Variants in RASAL2 observed in about 807,000 individuals in gnomAD.
RASAL2 encodes the protein ras GTPase-activating protein nGAP.
Under a neutral mutation model 128.9 loss-of-function variants are expected in RASAL2, and 58 were observed. The observed-to-expected ratio is 0.45, with a 90% confidence interval of 0.36 to 0.56. The LOEUF is 0.56. Ranked by LOEUF, RASAL2 falls within the 20% of genes least tolerant of loss-of-function variation. The probability of loss-of-function intolerance (pLI) is 0.00; values close to 1 mark genes in which losing one functional copy is unlikely to be tolerated. For synonymous variants in RASAL2, 561 were observed against 580.8 expected, an observed-to-expected ratio of 0.97 and a Z score of 0.49; for missense variants, 1,360 against 1,601.6, an observed-to-expected ratio of 0.85 and a Z score of 2.57.
chr1:178,306,851 CTG>C (rs1238208710), intron 3 of RASAL2, among the ~76,000 whole-genome samples: 1 of 112,176 alleles, frequency 8.9e-6, no homozygotes, highest in Non-Finnish European at 1.7e-5. Flanking sequence ...ACATCACACT[CTG>C]GGGACTGTTG....
At chr1:178,438,102 T>TTG (rs58641965) in intron 5 of RASAL2, among the ~76,000 whole-genome samples, 21,843 of 141,932 alleles carry the variant, frequency 0.15, 1,633 homozygotes, top group African/African-American at 0.18. Context: ...AAATGGTGGC[T>TTG]TGTGTGTGTG....
At chr1:178,116,809 A>G (rs1659535523) in intron 1 of RASAL2, among the ~76,000 whole-genome samples, 2 of 151,952 alleles carry the variant, frequency 1.3e-5, no homozygotes, top group Admixed American at 1.3e-4. Context: ...ACGGGGTTTC[A>G]CCGTGTTAGC....
chr1:178,456,529 T>C (rs971117543), intron 12 of RASAL2, 192 bp from the exon 13 acceptor site: 6 of 681,672 alleles, frequency 8.8e-6, no homozygotes, highest in Middle Eastern at 8.2e-4. Context: ...TTTCGCCTCC[T>C]CCATTCATCT....
At chr1:178,417,098 A>G (rs182389643) in intron 4 of RASAL2, among the ~76,000 whole-genome samples, 66 of 148,886 alleles carry the variant, frequency 4.4e-4, no homozygotes, top group Admixed American at 3.1e-3. Flanking sequence ...CTGATTTTCT[A>G]TTTCTTTCTC....
chr1:178,137,725 T>C (rs1191188115), intron 1 of RASAL2, among the ~76,000 whole-genome samples: 1 of 152,208 alleles, frequency 6.6e-6, no homozygotes, highest in African/African-American at 2.4e-5. Context: ...AAGCCTCAGA[T>C]GCTTACTGAC....
chr1:178,459,275 C>T (rs1678005936), intron 14 of RASAL2, among the ~76,000 whole-genome samples: 1 of 152,034 alleles, frequency 6.6e-6, no homozygotes, highest in East Asian at 1.9e-4. Context: ...TTAAATATTA[C>T]ATTTTGAAGC....
intron 17 of RASAL2, among the ~76,000 whole-genome samples, chr1:178,471,670 C>T (rs181846065): frequency 1.1e-4 from 17 of 152,108 alleles, no homozygotes; most frequent in African/African-American, 3.9e-4. Context: ...TGCTGCCTTA[C>T]GGATCCTACC....
chr1:178,280,105 T>C (rs894207047), intron 1 of RASAL2, among the ~76,000 whole-genome samples: 16 of 152,154 alleles, frequency 1.1e-4, no homozygotes, highest in Non-Finnish European at 8.8e-5. Flanking sequence ...ATACTAACTT[T>C]TGAAAAGCAA....
chr1:178,135,368 C>G (rs913892923), intron 1 of RASAL2, among the ~76,000 whole-genome samples: 5 of 151,198 alleles, frequency 3.3e-5, no homozygotes, highest in African/African-American at 1.2e-4. Flanking sequence ...CCATTTTTTC[C>G]ACAAACTTTT....
At chr1:178,344,157 A>G (rs1479375745) in intron 3 of RASAL2, among the ~76,000 whole-genome samples, 3 of 152,182 alleles carry the variant, frequency 2.0e-5, no homozygotes, top group African/African-American at 4.8e-5. Context: ...AACAATCTAT[A>G]TATAAATATT....
chr1:178,427,281 C>T (rs1371358633), intron 5 of RASAL2, among the ~76,000 whole-genome samples: 1 of 152,134 alleles, frequency 6.6e-6, no homozygotes, highest in Non-Finnish European at 1.5e-5. Flanking sequence ...TATTGTCAGG[C>T]ATTCCAAGAT....
At chr1:178,364,494 G>C (rs1436479518) in intron 3 of RASAL2, among the ~76,000 whole-genome samples, 1 of 152,180 alleles carries the variant, frequency 6.6e-6, no homozygotes, top group Non-Finnish European at 1.5e-5. Context: ...AAAATGAGAG[G>C]TTAATAGCAC....
At chr1:178,267,678 G>A (rs1004880677) in intron 1 of RASAL2, among the ~76,000 whole-genome samples, 1 of 147,496 alleles carries the variant, frequency 6.8e-6, no homozygotes, top group African/African-American at 2.5e-5. Context: ...TGGAATGCAG[G>A]GCTCACTGCA....
At chr1:178,372,557 T>C (rs932812474) in intron 3 of RASAL2, among the ~76,000 whole-genome samples, 3 of 152,208 alleles carry the variant, frequency 2.0e-5, no homozygotes, top group Admixed American at 2.0e-4. Context: ...CAAAGAGTGC[T>C]AGCTCCATTC....
chr1:178,155,887 T>G (rs1404591105), intron 1 of RASAL2, among the ~76,000 whole-genome samples: 1 of 152,186 alleles, frequency 6.6e-6, no homozygotes, highest in Non-Finnish European at 1.5e-5. Context: ...TCCCATCTCC[T>G]TCCCAATAAT....
chr1:178,413,866 A>G (rs1417586793), intron 4 of RASAL2, among the ~76,000 whole-genome samples: 1 of 152,244 alleles, frequency 6.6e-6, no homozygotes, highest in South Asian at 2.1e-4. Context: ...TGTAGCAGAA[A>G]TGAAGAATGC....
At chr1:178,142,217 T>C (rs1216301913) in intron 1 of RASAL2, among the ~76,000 whole-genome samples, 2 of 152,100 alleles carry the variant, frequency 1.3e-5, no homozygotes, top group South Asian at 2.1e-4. Context: ...TCGAGTGCGA[T>C]GTATCCAAGA....
In RASAL2 at chr1:178,242,492, C is replaced by T. The variant is rs562720340; in HGVS notation, c.203-41072C>T. 4.4e-5 allele frequency among the ~76,000 whole-genome samples: 6 copies of T among 137,896 alleles called. No homozygotes were observed. The East Asian group carries it at 1.3e-3, about 30-fold the overall frequency. 90.5% of individuals were successfully genotyped at this position (137,896 alleles called of 152,430 possible). On this transcript the variant is annotated intron_variant, in intron 1 of 17. Transcript: ENST00000367649. Reference sequence around the variant, plus strand: ...CTCTCTCTCTCTCTCTTTCATCTCTCTCTCTTGTCTCTCTCTCTCCCCACT... The same window carrying T: ...CTCTCTCTCTCTCTCTTTCATCTCTTTCTCTTGTCTCTCTCTCTCCCCACT...
chr1:178,187,672 TTAATTA>T (rs1351913218), intron 1 of RASAL2, among the ~76,000 whole-genome samples: 1 of 152,202 alleles, frequency 6.6e-6, no homozygotes, highest in Non-Finnish European at 1.5e-5. Context: ...TTGTCTTTCT[TTAATTA>T]TGACTGGGTT....
Sources: gnomAD v4.1 joint callset for allele counts (sites outside exome capture counted in the v4.1 genomes callset) on GRCh38, gnomAD v4.1.1 for gene constraint, MANE v1.5 for transcripts, NCBI Gene and HGNC (gene_info 2026-07-23, HGNC 2026-07-21) for gene names.